CCDC154: variants seen among roughly 807,000 people sequenced by gnomAD.
CCDC154 encodes coiled-coil domain-containing protein 154.
Under a neutral mutation model 87.5 loss-of-function variants are expected in CCDC154, and 91 were observed. That is an observed-to-expected ratio of 1.04 (90% CI 0.88 to 1.24). The LOEUF (loss-of-function observed/expected upper bound fraction) is 1.24. CCDC154 is among the 50% of genes most tolerant of loss of function. CCDC154 has a pLI of 0.00. For missense variants in CCDC154, 903 were observed against 879.2 expected, an observed-to-expected ratio of 1.03 and a Z score of -0.34; for synonymous variants, 418 against 400.4, an observed-to-expected ratio of 1.04 and a Z score of -0.52.
chr16:1,442,103 A>T (rs1441510354), intron 6 of CCDC154, among the ~76,000 whole-genome samples: 7 of 151,772 alleles, frequency 4.6e-5, no homozygotes, highest in Non-Finnish European at 1.0e-4. Flanking sequence ...TTTTTAGTAG[A>T]GATGGGGTTT....
intron 13 of CCDC154, 101 bp from the exon 14 acceptor site, chr16:1,436,187 G>A: frequency 1.0e-6 from 1 of 1,000,994 alleles, no homozygotes; most frequent in Non-Finnish European, 1.5e-6. Context: ...GGGTTAAGGA[G>A]GCTCGAGGGG....
intron 13 of CCDC154, 145 bp from the exon 14 acceptor site, chr16:1,436,231 G>T: frequency 1.2e-6 from 1 of 835,390 alleles, no homozygotes; most frequent in Admixed American, 2.6e-5. Flanking sequence ...TGGGGAAGGT[G>T]GGGGTCCCCA....
intron 11 of CCDC154, 99 bp from the exon 12 acceptor site, chr16:1,436,910 C>A: frequency 6.9e-7 from 1 of 1,459,116 alleles, no homozygotes; most frequent in South Asian, 1.3e-5. Context: ...GCGGCCCCCA[C>A]CCCCACTTCC....
intron 1 of CCDC154, 80 bp from the exon 2 acceptor site, chr16:1,444,092 C>T (rs1052463633): frequency 2.1e-5 from 24 of 1,149,934 alleles, no homozygotes; most frequent in Non-Finnish European, 2.4e-5. Flanking sequence ...CCCAAACCCC[C>T]GCAGGACCCT....
intron 11 of CCDC154, chr16:1,437,197 G>A (rs1292130680): frequency 1.1e-5 from 3 of 260,902 alleles, no homozygotes; most frequent in South Asian, 5.1e-5. Context: ...CGCGGTGGAA[G>A]GGGTGAAGCT....
chr16:1,434,783 G>A lies in CCDC154; in HGVS notation c.1762C>T (p.Pro588Ser), dbSNP rs1426495711. Reference protein sequence around the residue: ...RLWSEEGPRTPLGSWKALPSL... With the variant: ...RLWSEEGPRTSLGSWKALPSL... Reference sequence around the variant, plus strand: ...GGGAGCGCCTTCCAGCTGCCCAGCGGCGTCCGCGGGCCCTCCTCACTCCAC... The same window carrying A: ...GGGAGCGCCTTCCAGCTGCCCAGCGACGTCCGCGGGCCCTCCTCACTCCAC... Residue 588 changes from proline (P) to serine (S), a missense_variant, in exon 16 of 17, where the codon CCG becomes TCG. Transcript: ENST00000389176. 2 of 1,541,878 alleles carry A rather than the reference G, an allele frequency of 1.3e-6. No individual in the cohort carries two copies. The highest frequency in any genetic ancestry group is 3.9e-5 in the Admixed American group (2 of 50,860).
intron 7 of CCDC154, 27 bp downstream of exon 7, chr16:1,438,998 G>A (rs768434732): frequency 6.5e-7 from 1 of 1,549,918 alleles, no homozygotes; most frequent in South Asian, 1.2e-5. Context: ...GGGGGGCAGG[G>A]CAGGCCAGCC....
rs1018886446 is a variant in CCDC154 at position 1,436,482 on chromosome 16, C to T, written c.1450G>A (p.Asp484Asn). The change falls in exon 13 of 17, where the codon GAC becomes AAC. Residue 484 changes from aspartate (D) to asparagine (N), a missense_variant. Transcript: ENST00000389176. Reference protein sequence around the residue: ...VSDKCLLHKSDSDLRISAEGK... With the variant: ...VSDKCLLHKSNSDLRISAEGK... ...TCGGCGGAAATCCTGAGGTCTGAGT[C>T]GCTCTTATGAAGCAGGCACTTGTCG... 192 of 1,548,946 alleles carry T rather than the reference C, an allele frequency of 1.2e-4. No individual in the cohort carries two copies. Among genetic ancestry groups the T allele is most frequent in the Non-Finnish European group, 1.5e-4 (175 of 1,146,962 alleles).
At chr16:1,436,607 AG>A in intron 12 of CCDC154, 84 bp downstream of exon 12, 1 of 1,545,740 alleles carries the variant, frequency 6.5e-7, no homozygotes. Flanking sequence ...GAGAGGGAGG[AG>A]GGGAGAGGAC....
chr16:1,438,065 A>G lies in CCDC154; in HGVS notation c.1137T>C (p.His379=). ...LAGELARQEM[H]GELVLLREKS... is the part of the protein sequence containing the mutation. ...ACCCCCTCACCAGCACCAGCTCTCC[A>G]TGCATCTCCTGCCGGGCCAGCTCGC... Residue 379 remains histidine, a synonymous_variant, in exon 10 of 17, where the codon CAT becomes CAC. Transcript: ENST00000389176. 6.5e-7 allele frequency: 1 copy of G among 1,548,160 alleles called. No individual in the cohort carries two copies. The highest frequency in any genetic ancestry group is 8.7e-7 in the Non-Finnish European group (1 of 1,145,720).
Position 1,443,626 on chromosome 16 carries a change from C to A in CCDC154, c.294G>T (p.Arg98=), listed in dbSNP as rs555330344. 16 of 1,391,158 alleles carry A rather than the reference C, an allele frequency of 1.2e-5. No individual in the cohort carries two copies. In the African/African-American group the frequency reaches 1.2e-4, roughly 10 times the overall value. 86.2% of individuals were successfully genotyped at this position (1,391,158 alleles called of 1,614,324 possible). A position where few individuals can be genotyped will look rare whatever the true frequency, so the allele number is the denominator to read the frequency against. ...EHKQRCERAT[R]SLLRELLQVR... ...CCTGGAGCAGCTCCCGCAGCAGGCT[C>A]CGCGTGGCGCGCTCACAGCGCTGCT... The change falls in exon 3 of 17, where the codon CGG becomes CGT. Residue 98 remains arginine (R), a synonymous_variant. Transcript: ENST00000389176.
intron 6 of CCDC154, among the ~76,000 whole-genome samples, chr16:1,441,627 G>A (rs1251970335): frequency 3.3e-5 from 5 of 152,216 alleles, no homozygotes; most frequent in South Asian, 2.1e-4. Flanking sequence ...GGTGGAGCCC[G>A]AGAGTGGCCG....
At position 1,443,569 on chromosome 16, in the gene CCDC154, C is replaced by A; in HGVS notation, c.351G>T (p.Glu117Asp). The part of the protein sequence containing the change: ...VRARVQLQGS[E>D]LRQLQQEARP... ...GCGCCTCCTGCTGCAACTGCCTCAGCTCTGAGCCCTGCAGCTGCACGCGGG... is the reference window on the plus strand; with the variant it reads ...GCGCCTCCTGCTGCAACTGCCTCAGATCTGAGCCCTGCAGCTGCACGCGGG... Residue 117 changes from glutamate (E) to aspartate (D), a missense_variant, in exon 3 of 17, where the codon GAG (glutamate) becomes GAT (aspartate). Physicochemically the swap from Glu to Asp is conservative, Grantham distance 45. Transcript: ENST00000389176. 1 of 1,484,442 alleles carries A rather than the reference C, an allele frequency of 6.7e-7. No individual in the cohort carries two copies. Among genetic ancestry groups the A allele is most frequent in the Non-Finnish European group, 8.9e-7 (1 of 1,119,786 alleles). 92.0% of individuals were successfully genotyped at this position (1,484,442 alleles called of 1,614,324 possible).
At chr16:1,435,929 C>A in intron 14 of CCDC154, 40 bp downstream of exon 14, 1 of 1,498,288 alleles carries the variant, frequency 6.7e-7, no homozygotes, top group Non-Finnish European at 9.1e-7. Context: ...CTGATGGCTC[C>A]CCCTCTCTCC....
Position 1,439,124 on chromosome 16 carries a change from G to A in CCDC154, c.678C>T (p.Ala226=). The A allele has an allele frequency of 1.3e-6, 2 of 1,549,950 alleles. No homozygotes were observed. The highest frequency in any genetic ancestry group is 2.7e-5 in the African/African-American group (2 of 73,150). The change falls in exon 7 of 17, where the codon GCC becomes GCT. Residue 226 remains alanine, a splice_region_variant and synonymous_variant. Transcript: ENST00000389176. The part of the protein sequence containing the change: ...RVDLEVARMQ[A]QVTKLGEEVS... ...CCTCTTCGCCGAGCTTGGTCACCTG[G>A]GCCTGGGGCGGAGGCACATTGTCCC...
At chr16:1,435,857 T>C (rs890433814) in intron 14 of CCDC154, 112 bp downstream of exon 14, 13 of 911,912 alleles carry the variant, frequency 1.4e-5, no homozygotes, top group Middle Eastern at 2.8e-4. Context: ...CGTCTCCTGC[T>C]GGCTGGAAAA....
chr16:1,440,877 GGA>G (rs1225183089), intron 6 of CCDC154, among the ~76,000 whole-genome samples: 6 of 151,984 alleles, frequency 3.9e-5, no homozygotes, highest in Admixed American at 3.3e-4. Flanking sequence ...TGTGAACGTG[GGA>G]GGCGGAGCTT....
Position 1,435,973 on chromosome 16 carries a change from G to GC in CCDC154, c.1600dup (p.Ala534GlyfsTer28). ...TGCGGGCAGCCCCAGGACTACCGTG[G>GC]CCAGCTTGCCCTGCATCTCCGCGAT... On this transcript the variant is annotated frameshift_variant, in exon 14 of 17. Transcript: ENST00000389176. LOFTEE classifies it high-confidence loss of function. 3 of 1,548,452 alleles carry GC rather than the reference G, an allele frequency of 1.9e-6. No homozygotes were observed. Among genetic ancestry groups the GC allele is most frequent in the Non-Finnish European group, 2.6e-6 (3 of 1,146,070 alleles).
Position 1,438,717 on chromosome 16 carries a change from C to G in CCDC154, c.927G>C (p.Gln309His), listed in dbSNP as rs1234439404. Residue 309 changes from glutamine to histidine, a missense_variant, in exon 9 of 17, where the codon CAG (glutamine) becomes CAC (histidine). Coordinates refer to ENST00000389176, the MANE Select transcript of CCDC154 (RefSeq NM_001143980.3). ...GQHEESHLLE[Q>H]CQGLDAAVAQ... is the part of the protein sequence containing the mutation. ...CCACGGCAGCATCCAGGCCCTGGCA[C>G]TGCTCCAGGAGGTGGCTCTCCTGCC... 19 of 1,549,826 alleles carry G rather than the reference C, an allele frequency of 1.2e-5. No homozygotes were observed. Among genetic ancestry groups the G allele is most frequent in the Non-Finnish European group, 1.6e-5 (18 of 1,146,738 alleles).
Sources: allele counts gnomAD v4.1 joint callset (sites outside exome capture counted in the v4.1 genomes callset), GRCh38; gene constraint gnomAD v4.1.1; transcripts MANE v1.5; gene names NCBI Gene and HGNC (gene_info 2026-07-23, HGNC 2026-07-21).